The following TRPS1 variants were observed in gnomAD, a reference collection of about 807,000 sequenced individuals.
TRPS1 encodes the protein zinc finger transcription factor Trps1.
Under a neutral mutation model 101.2 loss-of-function variants are expected in TRPS1, and 6 were observed. The ratio of observed to expected loss-of-function variants is 0.06; its 90% CI spans 0.03 to 0.12. The LOEUF (loss-of-function observed/expected upper bound fraction) is 0.12. Among genes scored for constraint, TRPS1 ranks in the 10% least tolerant of loss-of-function variants. The probability of loss-of-function intolerance (pLI) is 1.00; values close to 1 mark genes in which losing one functional copy is unlikely to be tolerated. For missense variants in TRPS1, 1,363 were observed against 1,567.0 expected (o/e 0.87, Z 2.20); for synonymous variants, 578 against 589.8 (o/e 0.98, Z 0.29).
intron 5 of TRPS1, among the ~76,000 whole-genome samples, chr8:115,492,396 G>A (rs558374188): frequency 6.6e-6 from 1 of 151,906 alleles, no homozygotes; most frequent in East Asian, 1.9e-4. Flanking sequence ...TCAGAAATAG[G>A]GAGCCACCAA....
chr8:115,632,098 T>A (rs1388807284), intron 1 of TRPS1, among the ~76,000 whole-genome samples: 1 of 152,120 alleles, frequency 6.6e-6, no homozygotes, highest in African/African-American at 2.4e-5. Context: ...ATAGTGATAA[T>A]TCTATAATAA....
chr8:115,645,510 T>C (rs1819004698), intron 1 of TRPS1, among the ~76,000 whole-genome samples: 1 of 151,642 alleles, frequency 6.6e-6, no homozygotes, highest in Non-Finnish European at 1.5e-5. Flanking sequence ...TCAAGAAAGG[T>C]TCTGAGGTAT....
intron 5 of TRPS1, among the ~76,000 whole-genome samples, chr8:115,497,189 A>G (rs929571079): frequency 1.3e-5 from 2 of 152,122 alleles, no homozygotes; most frequent in Admixed American, 6.5e-5. Context: ...TGTGGAAGAC[A>G]ATTTTTCCAC....
At chr8:115,425,883 G>A (rs1405422625) in intron 5 of TRPS1, among the ~76,000 whole-genome samples, 1 of 152,164 alleles carries the variant, frequency 6.6e-6, no homozygotes, top group Non-Finnish European at 1.5e-5. Context: ...TTACATAATA[G>A]AATCAGAATT....
chr8:115,507,069 T>C (rs1465676106), intron 5 of TRPS1, among the ~76,000 whole-genome samples: 3 of 152,114 alleles, frequency 2.0e-5, no homozygotes, highest in African/African-American at 7.2e-5. Flanking sequence ...ACATAGAAGC[T>C]GTACTCATTT....
intron 5 of TRPS1, among the ~76,000 whole-genome samples, chr8:115,522,697 T>C (rs968753284): frequency 1.3e-5 from 2 of 152,124 alleles, no homozygotes; most frequent in East Asian, 3.9e-4. Flanking sequence ...TGTAAATTAT[T>C]TGCCACTACA....
At chr8:115,441,850 G>GTC (rs781620845) in intron 5 of TRPS1, among the ~76,000 whole-genome samples, 23 of 149,818 alleles carry the variant, frequency 1.5e-4, no homozygotes, top group Non-Finnish European at 3.0e-4. Flanking sequence ...ACCATGATAG[G>GTC]TCTCCCAATT....
rs879683960 is a variant in TRPS1 at position 115,410,784 on chromosome 8, T to A, written c.*3239A>T. 2.0e-5 allele frequency: 3 copies of A among 152,202 alleles called. No individual in the cohort carries two copies. The highest frequency in any genetic ancestry group is 4.4e-5 in the Non-Finnish European group (3 of 67,984). 9.4% of individuals were successfully genotyped at this position (152,202 alleles called of 1,614,324 possible). ...CAATTTAGAATATAGACAAATAATT[T>A]TAAAATATTTTCAGTTTTTAAATGG... On this transcript the variant is annotated 3_prime_UTR_variant, in exon 7 of 7. Coordinates refer to ENST00000395715, the MANE Select transcript of TRPS1 (RefSeq NM_014112.5).
At chr8:115,549,520 C>A (rs529433575) in intron 5 of TRPS1, among the ~76,000 whole-genome samples, 3 of 151,934 alleles carry the variant, frequency 2.0e-5, no homozygotes, top group Non-Finnish European at 4.4e-5. Flanking sequence ...CAAAGATGGA[C>A]GATTAGTAGA....
intron 5 of TRPS1, among the ~76,000 whole-genome samples, chr8:115,535,285 CAT>C (rs1407119343): frequency 7.8e-4 from 34 of 43,384 alleles, no homozygotes; most frequent in Middle Eastern, 0.012. Context: ...GCATATATAG[CAT>C]ATATATAGCA....
intron 1 of TRPS1, among the ~76,000 whole-genome samples, chr8:115,652,988 C>T (rs1811596131): frequency 1.3e-5 from 2 of 152,148 alleles, no homozygotes; most frequent in African/African-American, 4.8e-5. Context: ...AATACAGCAA[C>T]TCATCTTATT....
At chr8:115,646,624 TATGGTGG>T (rs2130599210) in intron 1 of TRPS1, among the ~76,000 whole-genome samples, 1 of 152,278 alleles carries the variant, frequency 6.6e-6, no homozygotes, top group East Asian at 1.9e-4. Flanking sequence ...GAGAAAAATA[TATGGTGG>T]ACCTAAAGTC....
chr8:115,654,240 A>AT (rs35368340), intron 1 of TRPS1, among the ~76,000 whole-genome samples: 152,303 of 152,320 alleles, frequency 1, 76,143 homozygotes, highest in Non-Finnish European at 1. Context: ...AAGTTGAGAA[A>AT]TTTAAAAGAA....
At chr8:115,611,359 A>T in intron 3 of TRPS1, among the ~76,000 whole-genome samples, 1 of 152,220 alleles carries the variant, frequency 6.6e-6, no homozygotes, top group Non-Finnish European at 1.5e-5. Context: ...AATATAGAAC[A>T]TCCTTCCTCC....
intron 5 of TRPS1, among the ~76,000 whole-genome samples, chr8:115,474,057 A>G (rs1814538339): frequency 6.6e-6 from 1 of 152,028 alleles, no homozygotes; most frequent in Non-Finnish European, 1.5e-5. Context: ...AAAAAAGAAG[A>G]CTCTAGGTTT....
chr8:115,572,399 A>G (rs1817224911), intron 5 of TRPS1, among the ~76,000 whole-genome samples: 1 of 152,162 alleles, frequency 6.6e-6, no homozygotes, highest in Non-Finnish European at 1.5e-5. Flanking sequence ...GTCTTGATAG[A>G]TTAATTGAGA....
At chr8:115,499,973 CT>C (rs1474224743) in intron 5 of TRPS1, among the ~76,000 whole-genome samples, 4 of 132,432 alleles carry the variant, frequency 3.0e-5, no homozygotes, top group African/African-American at 6.4e-5. Flanking sequence ...CTTTTCTTTT[CT>C]TTTCTTTTCT....
intron 5 of TRPS1, among the ~76,000 whole-genome samples, chr8:115,528,941 A>G (rs1450036924): frequency 6.6e-6 from 1 of 152,114 alleles, no homozygotes; most frequent in African/African-American, 2.4e-5. Context: ...GCTAAACATT[A>G]TGAGGACAAA....
chr8:115,536,656 A>G (rs1364288663), intron 5 of TRPS1, among the ~76,000 whole-genome samples: 1 of 152,126 alleles, frequency 6.6e-6, no homozygotes, highest in Non-Finnish European at 1.5e-5. Context: ...TATAAAAGGT[A>G]CCATAAATCC....
Sources: allele counts gnomAD v4.1 joint callset (sites outside exome capture counted in the v4.1 genomes callset), GRCh38; gene constraint gnomAD v4.1.1; transcripts MANE v1.5; gene names NCBI Gene and HGNC (gene_info 2026-07-23, HGNC 2026-07-21).